ZBTB7C: variants seen among roughly 807,000 people sequenced by gnomAD.
ZBTB7C encodes zinc finger and BTB domain-containing protein 7C.
ZBTB7C carries 8 observed loss-of-function variants against 25.7 expected under a neutral mutation model. That is an observed-to-expected ratio of 0.31 (90% CI 0.18 to 0.56). The LOEUF is 0.56. Among genes scored for constraint, ZBTB7C ranks in the 20% least tolerant of loss-of-function variants. The pLI is 0.91. For missense variants in ZBTB7C, 824 were observed against 855.2 expected, an observed-to-expected ratio of 0.96 and a Z score of 0.46; for synonymous variants, 394 against 369.0, an observed-to-expected ratio of 1.07 and a Z score of -0.78.
At chr18:48,121,057 C>A (rs2039611811) in intron 3 of ZBTB7C, among the ~76,000 whole-genome samples, 1 of 152,232 alleles carries the variant, frequency 6.6e-6, no homozygotes, top group Non-Finnish European at 1.5e-5. Context: ...GGGAAAGCAG[C>A]CACTTCTCAC....
intron 3 of ZBTB7C, among the ~76,000 whole-genome samples, chr18:48,143,380 A>T (rs1460455872): frequency 6.6e-6 from 1 of 152,210 alleles, no homozygotes; most frequent in African/African-American, 2.4e-5. Context: ...TCTGTTTTTA[A>T]GAGAACATTT....
intron 2 of ZBTB7C, among the ~76,000 whole-genome samples, chr18:48,270,079 G>GGA (rs1301962311): frequency 6.6e-6 from 1 of 151,746 alleles, no homozygotes. Context: ...GTCAGACAAG[G>GGA]GAGAGAGAGA....
At chr18:48,167,012 G>C (rs2041271478) in intron 3 of ZBTB7C, among the ~76,000 whole-genome samples, 2 of 152,136 alleles carry the variant, frequency 1.3e-5, no homozygotes, top group Admixed American at 6.5e-5. Flanking sequence ...GCTCAGCCCT[G>C]CCCTTCTCTG....
intron 3 of ZBTB7C, chr18:48,041,557 A>C: frequency 1.0e-6 from 1 of 985,048 alleles, no homozygotes; most frequent in Non-Finnish European, 1.2e-6. Flanking sequence ...AGATGCTCTG[A>C]TTTGTCTCAC....
chr18:48,078,151 G>A (rs138024892), intron 3 of ZBTB7C, among the ~76,000 whole-genome samples: 43 of 152,246 alleles, frequency 2.8e-4, no homozygotes, highest in African/African-American at 5.5e-4. Context: ...GGCTTATCTC[G>A]CATGATTCCA....
chr18:48,371,830 C>T (rs909111005), intron 1 of ZBTB7C, among the ~76,000 whole-genome samples: 2 of 152,184 alleles, frequency 1.3e-5, no homozygotes, highest in Non-Finnish European at 2.9e-5. Context: ...GAAGGTAGGC[C>T]ATTAATCACC....
In ZBTB7C at chr18:48,169,398, C is replaced by T. The variant is rs373221374; in HGVS notation, c.-17+16536G>A. 1.6e-3 allele frequency among the ~76,000 whole-genome samples: 251 copies of T among 152,294 alleles called. 1 individual carries two copies. Among genetic ancestry groups the T allele is most frequent in the Admixed American group, 3.3e-3 (50 of 15,302 alleles). The stretch of plus-strand genomic sequence containing the variant: ...ACTTCATGGGCTAGAGCTGTGTCTC[C>T]GGAGAGGTCAGGGACCCCAGGAAGC... On this transcript the variant is annotated intron_variant, in intron 3 of 4. Transcript: ENST00000590800.
At chr18:48,036,288 A>C (rs2035966420) in intron 4 of ZBTB7C, among the ~76,000 whole-genome samples, 1 of 152,164 alleles carries the variant, frequency 6.6e-6, no homozygotes, top group Non-Finnish European at 1.5e-5. Flanking sequence ...GCAGGGCCTT[A>C]GGGGTGAAGG....
At chr18:48,259,259 T>C (rs1053677764) in intron 2 of ZBTB7C, among the ~76,000 whole-genome samples, 1 of 149,490 alleles carries the variant, frequency 6.7e-6, no homozygotes, top group African/African-American at 2.5e-5. Flanking sequence ...CACAAACAAA[T>C]GATTTTTGAC....
At chr18:48,031,342 G>T (rs1195677171) in intron 4 of ZBTB7C, among the ~76,000 whole-genome samples, 1 of 152,144 alleles carries the variant, frequency 6.6e-6, no homozygotes, top group Non-Finnish European at 1.5e-5. Flanking sequence ...AGGCTGGAGA[G>T]CCCCTGGGAG....
intron 3 of ZBTB7C, among the ~76,000 whole-genome samples, chr18:48,176,695 A>T (rs28667163): frequency 0.1 from 15,715 of 152,086 alleles, 1,061 homozygotes; most frequent in East Asian, 0.33. Context: ...ACAGCAGGTA[A>T]AACTGAGATA....
At chr18:48,332,383 G>A (rs930704721) in intron 2 of ZBTB7C, among the ~76,000 whole-genome samples, 1 of 152,138 alleles carries the variant, frequency 6.6e-6, no homozygotes, top group Non-Finnish European at 1.5e-5. Context: ...CATTATGGTC[G>A]GTGCAGTGTC....
At chr18:48,339,703 C>T (rs1279489172) in intron 1 of ZBTB7C, among the ~76,000 whole-genome samples, 2 of 152,000 alleles carry the variant, frequency 1.3e-5, no homozygotes, top group Admixed American at 6.5e-5. Context: ...GCCTGTTTGC[C>T]CTGCTATGGG....
intron 2 of ZBTB7C, among the ~76,000 whole-genome samples, chr18:48,240,855 T>C (rs1435712958): frequency 3.3e-5 from 5 of 152,138 alleles, no homozygotes; most frequent in Non-Finnish European, 7.4e-5. Flanking sequence ...ATCTTAACAT[T>C]AACATTGAAT....
chr18:48,291,853 C>T (rs1361131476), intron 2 of ZBTB7C, among the ~76,000 whole-genome samples: 1 of 152,130 alleles, frequency 6.6e-6, no homozygotes, highest in Non-Finnish European at 1.5e-5. Flanking sequence ...ACATGTAGAA[C>T]ACCAGATCTC....
intron 3 of ZBTB7C, among the ~76,000 whole-genome samples, chr18:48,131,772 C>T (rs894395949): frequency 3.3e-5 from 5 of 152,268 alleles, no homozygotes; most frequent in African/African-American, 9.6e-5. Context: ...TCTCACTATA[C>T]CTATAGAAAG....
At chr18:48,117,247 T>A (rs906138191) in intron 3 of ZBTB7C, among the ~76,000 whole-genome samples, 1 of 152,228 alleles carries the variant, frequency 6.6e-6, no homozygotes, top group African/African-American at 2.4e-5. Flanking sequence ...GAAATTTAGA[T>A]GCCTCAAAAT....
At chr18:48,285,604 G>A (rs1038979244) in intron 2 of ZBTB7C, among the ~76,000 whole-genome samples, 9 of 152,042 alleles carry the variant, frequency 5.9e-5, no homozygotes, top group East Asian at 1.9e-4. Flanking sequence ...CTCCTGCCTC[G>A]TCCTCTCAAA....
At chr18:48,164,287 C>T (rs531355066) in intron 3 of ZBTB7C, among the ~76,000 whole-genome samples, 6 of 152,230 alleles carry the variant, frequency 3.9e-5, no homozygotes, top group Non-Finnish European at 5.9e-5. Flanking sequence ...CAGCAACAAG[C>T]GGGAGAGGAG....
Sources: allele counts gnomAD v4.1 joint callset (sites outside exome capture counted in the v4.1 genomes callset), GRCh38; gene constraint gnomAD v4.1.1; transcripts MANE v1.5; gene names NCBI Gene and HGNC (gene_info 2026-07-23, HGNC 2026-07-21).